Variants in C11orf65 observed in about 807,000 individuals in gnomAD.
The protein encoded by C11orf65 is protein MFI.
Under a neutral mutation model 35.3 loss-of-function variants are expected in C11orf65, and 38 were observed. That is an observed-to-expected ratio of 1.08 (90% CI 0.83 to 1.41). The LOEUF is 1.41. C11orf65 is among the 40% of genes most tolerant of loss of function. The pLI, the probability that C11orf65 is intolerant of heterozygous loss-of-function variation, is 0.00. For synonymous variants in C11orf65, 105 were observed against 114.4 expected (o/e 0.92, Z 0.53); for missense variants, 370 against 367.1 (o/e 1.01, Z -0.06).
At chr11:108,437,707 T>TAAAAAAAAAAAAAAAAAAAAA (rs145337876) in intron 2 of C11orf65, among the ~76,000 whole-genome samples, 1 of 38,032 alleles carries the variant, frequency 2.6e-5, no homozygotes, top group Non-Finnish European at 4.3e-5. Context: ...GACTCAGTCT[T>TAAAAAAAAAAAAAAAAAAAAA]AAAAAAAAAA....
intron 2 of C11orf65, among the ~76,000 whole-genome samples, chr11:108,437,116 G>GGC (rs2093072135): frequency 1.3e-5 from 2 of 149,160 alleles, no homozygotes; most frequent in Admixed American, 6.7e-5. Context: ...AAAAAGGGGG[G>GGC]GGGTGGACAA....
At chr11:108,364,456 A>G (rs2091124348) in intron 2 of C11orf65, among the ~76,000 whole-genome samples, 1 of 152,196 alleles carries the variant, frequency 6.6e-6, no homozygotes, top group African/African-American at 2.4e-5. Flanking sequence ...TTGTTTTGGT[A>G]TCCTAATTCT....
In C11orf65 at chr11:108,317,474, C is replaced by T. The variant is rs1591789955; in HGVS notation, c.641-8403G>A. The T allele has an allele frequency of 6.2e-7, 1 of 1,611,720 alleles. No individual in the cohort carries two copies. Among genetic ancestry groups the T allele is most frequent in the African/African-American group, 1.3e-5 (1 of 74,478 alleles). ...GTCCTGAACTAGAAGAACTTCATTA[C>T]CAAGCAGCATGGAGGAATATGCAGT... On this transcript the variant is annotated intron_variant, in intron 6 of 6. Transcript: ENST00000525729.
chr11:108,446,778 A>G (rs2135578725), intron 2 of C11orf65, among the ~76,000 whole-genome samples: 1 of 152,310 alleles, frequency 6.6e-6, no homozygotes, highest in East Asian at 1.9e-4. Flanking sequence ...ATTTACACAT[A>G]ACAATATTAA....
chr11:108,427,243 G>T (rs560397414), intron 3 of C11orf65, among the ~76,000 whole-genome samples: 1 of 151,078 alleles, frequency 6.6e-6, no homozygotes, highest in African/African-American at 2.4e-5. Context: ...TCATCAGAAT[G>T]AACAGGCAAC....
At chr11:108,463,038 A>G (rs1186273059) in intron 1 of C11orf65, among the ~76,000 whole-genome samples, 1 of 152,182 alleles carries the variant, frequency 6.6e-6, no homozygotes, top group East Asian at 1.9e-4. Flanking sequence ...AAACAGGAGG[A>G]TGGCTTGAGC....
chr11:108,354,070 A>AACACACACACACAC (rs71047689), intron 2 of C11orf65, among the ~76,000 whole-genome samples: 106 of 114,868 alleles, frequency 9.2e-4, no homozygotes, highest in African/African-American at 2.9e-3. Flanking sequence ...CACACACACA[A>AACACACACACACAC]ACACACACAC....
At chr11:108,351,868 C>T (rs977541558) in intron 2 of C11orf65, among the ~76,000 whole-genome samples, 1 of 152,166 alleles carries the variant, frequency 6.6e-6, no homozygotes, top group Non-Finnish European at 1.5e-5. Context: ...TATTTTCTAA[C>T]CTTTTTTTCC....
chr11:108,341,160 ACC>A (rs1248728514), intron 2 of C11orf65, among the ~76,000 whole-genome samples: 2 of 151,864 alleles, frequency 1.3e-5, no homozygotes, highest in Admixed American at 6.6e-5. Context: ...AGTCATCTCC[ACC>A]TGACTTACCT....
In C11orf65 at chr11:108,427,825, C is replaced by CTTTTTTT. The variant is rs1164726398; in HGVS notation, c.174+3914_174+3920dup. Among the ~76,000 whole-genome samples, 7 of 59,048 alleles carry CTTTTTTT rather than the reference C, an allele frequency of 1.2e-4. 1 individual carries two copies. The highest frequency in any genetic ancestry group is 1.2e-4 in the Non-Finnish European group (4 of 33,980). The allele number at this position is 59,048 out of a possible 152,430, so 38.7% of individuals were successfully genotyped here. A position where few individuals can be genotyped will look rare whatever the true frequency, so the allele number is the denominator to read the frequency against. On this transcript the variant is annotated intron_variant, in intron 3 of 8. Coordinates refer to ENST00000393084, the MANE Select transcript of C11orf65 (RefSeq NM_152587.5). ...ATCTCACGCCAGTTAGAATGGCAATCTTTTTTTTTTTTTTTTTTTTTTTGA... is the reference window on the plus strand; with the variant it reads ...ATCTCACGCCAGTTAGAATGGCAATCTTTTTTTTTTTTTTTTTTTTTTTTTTTTTTGA...
At chr11:108,352,746 T>C (rs773158694) in intron 2 of C11orf65, among the ~76,000 whole-genome samples, 16 of 152,212 alleles carry the variant, frequency 1.1e-4, no homozygotes, top group Non-Finnish European at 1.8e-4. Context: ...AACAGAACTA[T>C]TGATATACAT....
At chr11:108,342,348 T>C (rs1316366574) in intron 2 of C11orf65, among the ~76,000 whole-genome samples, 1 of 152,218 alleles carries the variant, frequency 6.6e-6, no homozygotes, top group Non-Finnish European at 1.5e-5. Context: ...AAATGAATGA[T>C]GTAGAGTTAA....
intron 2 of C11orf65, among the ~76,000 whole-genome samples, chr11:108,341,624 A>G (rs1009202414): frequency 3.3e-5 from 5 of 152,206 alleles, no homozygotes; most frequent in African/African-American, 1.2e-4. Context: ...ATAGAACTAA[A>G]GACACCATAA....
rs1027667991 is a variant in C11orf65, at chr11:108,354,891, G to A, written c.227-19599C>T. ...ATTGTAGAGGTAAAGTATTTTATAA[G>A]GAAGACTTTATTTTTTTTCTTACCA... On this transcript the variant is annotated intron_variant, in intron 2 of 3. Transcript: ENST00000524755. 8 of 1,600,058 alleles carry A rather than the reference G, an allele frequency of 5.0e-6. No homozygotes were observed. The highest frequency in any genetic ancestry group is 2.7e-5 in the African/African-American group (2 of 74,620).
chr11:108,390,891 C>T (rs2092144066), intron 7 of C11orf65, among the ~76,000 whole-genome samples: 1 of 152,172 alleles, frequency 6.6e-6, no homozygotes, highest in African/African-American at 2.4e-5. Context: ...AAAGCATCTA[C>T]TATGGACACT....
chr11:108,316,753 C>CA (rs58165074), intron 6 of C11orf65, among the ~76,000 whole-genome samples: 39,082 of 72,528 alleles, frequency 0.54, 9,328 homozygotes, highest in South Asian at 0.64. Flanking sequence ...ACTAAAAATA[C>CA]AAAAAAAAAA....
intron 2 of C11orf65, chr11:108,369,035 A>G (rs1290106077): frequency 5.6e-6 from 1 of 177,866 alleles, no homozygotes; most frequent in Admixed American, 6.3e-5. Flanking sequence ...AGTACTATTG[A>G]ATGTATTACT....
At chr11:108,463,132 T>C (rs1326164222) in intron 1 of C11orf65, among the ~76,000 whole-genome samples, 1 of 152,028 alleles carries the variant, frequency 6.6e-6, no homozygotes, top group Non-Finnish European at 1.5e-5. Flanking sequence ...TCTCTAAAAA[T>C]AATAAAAATG....
At position 108,430,425 on chromosome 11, in the gene C11orf65, C is replaced by T. The variant is rs376172309; in HGVS notation, c.174+1321G>A. ...AAGTGCTGGAATTACAGGTGTGAGC[C>T]ACTGCGCCCAGCCTGAACTGTATTC... On this transcript the variant is annotated intron_variant, in intron 3 of 8. Transcript: ENST00000393084. 4.3e-4 allele frequency among the ~76,000 whole-genome samples: 65 copies of T among 151,614 alleles called. 2 individuals carry two copies. The East Asian group carries it at 0.012, about 29-fold the overall frequency.
Sources: gnomAD v4.1 joint callset for allele counts (sites outside exome capture counted in the v4.1 genomes callset) on GRCh38, gnomAD v4.1.1 for gene constraint, MANE v1.5 for transcripts, NCBI Gene and HGNC (gene_info 2026-07-23, HGNC 2026-07-21) for gene names.